The following USP47 variants were observed in gnomAD, a reference collection of about 807,000 sequenced individuals.
USP47 encodes ubiquitin specific peptidase 47, also known as ubiquitin carboxyl-terminal hydrolase 47.
In USP47, 35 loss-of-function variants were observed where a neutral mutation model predicts 165.1. The observed-to-expected ratio is 0.21, with a 90% CI of 0.16 to 0.28. The LOEUF (loss-of-function observed/expected upper bound fraction) is 0.28, where lower values mean the gene tolerates loss of function less well. Among genes scored for constraint, USP47 ranks in the 10% least tolerant of loss-of-function variants. The probability of loss-of-function intolerance (pLI) is 1.00; values close to 1 mark genes in which losing one functional copy is unlikely to be tolerated. For synonymous variants in USP47, 531 were observed against 544.5 expected, an observed-to-expected ratio of 0.98 and a Z score of 0.35; for missense variants, 1,277 against 1,607.4, an observed-to-expected ratio of 0.79 and a Z score of 3.52.
At position 11,946,687 on chromosome 11, in the gene USP47, G is replaced by A. The variant is rs113075441; in HGVS notation, c.3092-1258G>A. 4.5e-3 allele frequency among the ~76,000 whole-genome samples: 680 copies of A among 152,210 alleles called. 2 individuals carry two copies. Among genetic ancestry groups the A allele is most frequent in the Middle Eastern group, 6.8e-3 (2 of 294 alleles). On this transcript the variant is annotated intron_variant, in intron 20 of 27. Transcript: ENST00000527733. The stretch of plus-strand genomic sequence containing the variant: ...CGTTGGATAGCATAGACAGAAGCTT[G>A]TTTGCCATAAGCTGGATTATTGACA...
intron 1 of USP47, among the ~76,000 whole-genome samples, chr11:11,853,701 C>T (rs1412969114): frequency 6.6e-6 from 1 of 152,084 alleles, no homozygotes; most frequent in Non-Finnish European, 1.5e-5. Context: ...ATAAAGTATC[C>T]ATGTATATGA....
chr11:11,864,700 C>A (rs1389883672), intron 1 of USP47, among the ~76,000 whole-genome samples: 1 of 151,646 alleles, frequency 6.6e-6, no homozygotes, highest in Non-Finnish European at 1.5e-5. Flanking sequence ...GGATTTCATT[C>A]CTTTTTGAAA....
At chr11:11,845,715 T>G (rs1175180263) in intron 1 of USP47, among the ~76,000 whole-genome samples, 2 of 152,176 alleles carry the variant, frequency 1.3e-5, no homozygotes, top group Non-Finnish European at 2.9e-5. Context: ...TAACCAATTA[T>G]CCTGTCCTTG....
intron 1 of USP47, among the ~76,000 whole-genome samples, chr11:11,876,014 A>G (rs1179958501): frequency 2.0e-5 from 3 of 152,228 alleles, no homozygotes; most frequent in African/African-American, 4.8e-5. Flanking sequence ...TACAGTAAAT[A>G]TAACTGCTGT....
intron 1 of USP47, among the ~76,000 whole-genome samples, chr11:11,861,956 C>G (rs1234613024): frequency 6.6e-6 from 1 of 150,956 alleles, no homozygotes; most frequent in Non-Finnish European, 1.5e-5. Context: ...TTGTATTTAA[C>G]TAGAATAATA....
chr11:11,869,774 A>G (rs924131816), intron 1 of USP47, among the ~76,000 whole-genome samples: 2 of 152,228 alleles, frequency 1.3e-5, no homozygotes, highest in Non-Finnish European at 2.9e-5. Flanking sequence ...TATTTAGATC[A>G]TGAGCGCTCT....
intron 24 of USP47, chr11:11,952,136 A>G (rs1856265477): frequency 6.6e-6 from 1 of 152,262 alleles, no homozygotes; most frequent in African/African-American, 2.4e-5. Flanking sequence ...ATTGGTGCAC[A>G]CAGTCTGTGG....
chr11:11,886,247 A>G (rs974458835), intron 3 of USP47, among the ~76,000 whole-genome samples: 1 of 152,130 alleles, frequency 6.6e-6, no homozygotes, highest in Non-Finnish European at 1.5e-5. Flanking sequence ...TGAGGCTGAG[A>G]TGGCTGAATT....
chr11:11,940,895 C>T (rs549991291), intron 19 of USP47, among the ~76,000 whole-genome samples: 13 of 151,658 alleles, frequency 8.6e-5, no homozygotes, highest in Non-Finnish European at 1.5e-4. Flanking sequence ...GATTATGTCC[C>T]CTGGATTGTG....
chr11:11,873,768 T>C, intron 1 of USP47: 1 of 1,250,448 alleles, frequency 8.0e-7, no homozygotes, highest in South Asian at 1.8e-5. Context: ...ATATAAATAA[T>C]TTGTAATTCA....
At chr11:11,955,219 A>G (rs903601629) in intron 27 of USP47, 55 bp downstream of exon 27, 5 of 1,571,210 alleles carry the variant, frequency 3.2e-6, no homozygotes, top group African/African-American at 2.7e-5. Flanking sequence ...GCGTGCATAC[A>G]TATCTTATTT....
At chr11:11,870,740 G>C (rs368725531) in intron 1 of USP47, among the ~76,000 whole-genome samples, 1 of 152,056 alleles carries the variant, frequency 6.6e-6, no homozygotes, top group African/African-American at 2.4e-5. Flanking sequence ...AAATTATCCC[G>C]CTTTTCTGTT....
At chr11:11,875,953 T>C (rs1850388009) in intron 1 of USP47, among the ~76,000 whole-genome samples, 1 of 152,216 alleles carries the variant, frequency 6.6e-6, no homozygotes, top group Admixed American at 6.5e-5. Context: ...TGCTAGGAAA[T>C]CTAGCTTTGT....
rs117638265 is a variant in USP47 at position 11,933,382 on chromosome 11, C to T, written c.1764+266C>T. ...TTATCCTACTAAAAGAAAATAAATC[C>T]GTAAAAACTGGATAGAAATTGAGTA... is the stretch of plus-strand genomic sequence containing the variant. On this transcript the variant is annotated intron_variant, in intron 15 of 27. Transcript: ENST00000527733. 7.2e-4 allele frequency among the ~76,000 whole-genome samples: 110 copies of T among 152,032 alleles called. 1 individual carries two copies. Among genetic ancestry groups the T allele is most frequent in the East Asian group, 5.6e-3 (29 of 5,164 alleles).
rs1478525283 is a variant in USP47 at position 11,927,303 on chromosome 11, T to A, written c.1387-2131T>A. On this transcript the variant is annotated intron_variant, in intron 11 of 27. Coordinates refer to ENST00000527733, the MANE Select transcript of USP47 (RefSeq NM_001282659.2). ...GAGTTTTTGTTTTTTGTTGTTGTTT[T>A]GGTTTTTGGTTTATTGGGCAGGATG... 2.0e-5 allele frequency among the ~76,000 whole-genome samples: 3 copies of A among 152,110 alleles called. No individual in the cohort carries two copies. In the East Asian group the frequency reaches 5.8e-4, roughly 29 times the overall value.
chr11:11,859,080 G>A (rs1849228163), intron 1 of USP47, among the ~76,000 whole-genome samples: 1 of 152,028 alleles, frequency 6.6e-6, no homozygotes, highest in African/African-American at 2.4e-5. Flanking sequence ...TGTAGTGGTG[G>A]TATCTGTTTG....
In USP47 at chr11:11,936,262, G is replaced by A. The variant is rs561899449; in HGVS notation, c.1870-41G>A. The A allele has an allele frequency of 2.7e-5, 26 of 979,296 alleles. No homozygotes were observed. In the South Asian group the frequency reaches 5.7e-4, roughly 21 times the overall value. The allele number at this position is 979,296 out of a possible 1,614,324, so 60.7% of individuals were successfully genotyped here. On this transcript the variant is annotated intron_variant, in intron 16 of 27. Transcript: ENST00000527733. Reference sequence around the variant, plus strand: ...TATATGTATATATATAAATATATATGTATATATATTTTTTCTTTCTGGGGG... The same window carrying A: ...TATATGTATATATATAAATATATATATATATATATTTTTTCTTTCTGGGGG...
chr11:11,887,282 G>A (rs1851221208), intron 3 of USP47, among the ~76,000 whole-genome samples: 1 of 152,020 alleles, frequency 6.6e-6, no homozygotes, highest in South Asian at 2.1e-4. Flanking sequence ...GCACAGAATG[G>A]CAAGCTGAAT....
At chr11:11,935,639 A>G (rs1855004815) in intron 16 of USP47, among the ~76,000 whole-genome samples, 2 of 151,950 alleles carry the variant, frequency 1.3e-5, no homozygotes, top group African/African-American at 2.4e-5. Context: ...AACATTGAAT[A>G]CTTCTAAGCA....
Sources: allele counts gnomAD v4.1 joint callset (sites outside exome capture counted in the v4.1 genomes callset), GRCh38; gene constraint gnomAD v4.1.1; transcripts MANE v1.5; gene names NCBI Gene and HGNC (gene_info 2026-07-23, HGNC 2026-07-21).